Variants in KALRN observed in about 807,000 individuals in gnomAD.
KALRN encodes the protein kalirin.
A neutral mutation model predicts 353.7 loss-of-function variants in KALRN; 70 were observed. That is an observed-to-expected ratio of 0.20 (90% CI 0.16 to 0.24). The LOEUF (loss-of-function observed/expected upper bound fraction) is 0.24, where lower values mean the gene tolerates loss of function less well. KALRN is among the 10% of genes least tolerant of loss of function. The probability of loss-of-function intolerance (pLI) is 1.00; values close to 1 mark genes in which losing one functional copy is unlikely to be tolerated. For missense variants in KALRN, 2,791 were observed against 3,756.7 expected (o/e 0.74, Z 6.72); for synonymous variants, 1,391 against 1,434.8 (o/e 0.97, Z 0.69).
intron 49 of KALRN, among the ~76,000 whole-genome samples, chr3:124,676,936 C>T (rs2087259376): frequency 6.6e-6 from 1 of 152,196 alleles, no homozygotes; most frequent in African/African-American, 2.4e-5. Context: ...AGCCCACTTT[C>T]CCACAAGATT....
intron 56 of KALRN, among the ~76,000 whole-genome samples, 197 bp from the exon 57 acceptor site, chr3:124,701,841 A>G (rs2062356961): frequency 6.6e-6 from 1 of 152,116 alleles, no homozygotes. Context: ...AGAGAAGCTG[A>G]CTCTGTCATG....
chr3:124,213,187 T>A (rs770975225), intron 1 of KALRN, among the ~76,000 whole-genome samples: 1 of 152,132 alleles, frequency 6.6e-6, no homozygotes, highest in East Asian at 1.9e-4. Context: ...ATTTTAAAGG[T>A]TTGGGCTCTA....
chr3:124,459,206 T>G (rs2059619387), intron 23 of KALRN, among the ~76,000 whole-genome samples: 1 of 152,114 alleles, frequency 6.6e-6, no homozygotes, highest in Non-Finnish European at 1.5e-5. Context: ...TGGAAATTGG[T>G]CCAGTGAGTG....
At position 124,279,489 on chromosome 3, in the gene KALRN, C is replaced by T. The variant is rs115916233; in HGVS notation, c.969+10234C>T. On this transcript the variant is annotated intron_variant, in intron 5 of 59. Coordinates refer to ENST00000682506, the MANE Select transcript of KALRN (RefSeq NM_001388419.1). ...GAGGGGCATGCATGGGGAATACAGC[C>T]CCATCCACAACAAAGATGCCAGAGT... 7.1e-3 allele frequency among the ~76,000 whole-genome samples: 1,076 copies of T among 152,184 alleles called. 12 individuals carry two copies. The highest frequency in any genetic ancestry group is 0.023 in the African/African-American group (973 of 41,504).
chr3:124,387,946 C>G (rs1388965331), intron 11 of KALRN, among the ~76,000 whole-genome samples: 1 of 151,984 alleles, frequency 6.6e-6, no homozygotes, highest in Non-Finnish European at 1.5e-5. Flanking sequence ...TGTATGAGGT[C>G]CCCTTTAAGT....
intron 23 of KALRN, among the ~76,000 whole-genome samples, chr3:124,457,042 A>G (rs2059375464): frequency 1.3e-5 from 2 of 149,498 alleles, no homozygotes. Context: ...TTCTCCTCCA[A>G]ATTTTATTCT....
intron 1 of KALRN, among the ~76,000 whole-genome samples, chr3:124,121,093 C>CAAAAAAAAA (rs35883031): frequency 6.5e-4 from 49 of 74,916 alleles, no homozygotes; most frequent in Middle Eastern, 8.9e-3. Context: ...GACTCCATCT[C>CAAAAAAAAA]AAAAAAAAAA....
At chr3:124,285,509 TA>T (rs1167559016) in intron 5 of KALRN, among the ~76,000 whole-genome samples, 1 of 152,180 alleles carries the variant, frequency 6.6e-6, no homozygotes, top group African/African-American at 2.4e-5. Context: ...TTTATACAAA[TA>T]AAAAAATTAA....
rs185506777 is a variant in KALRN at position 124,271,901 on chromosome 3, A to G, written c.969+2646A>G. On this transcript the variant is annotated intron_variant, in intron 5 of 59. Transcript: ENST00000682506. ...CAAAAAATATACATAGGCTTGGAAA[A>G]CAATTACTTAAACACGGTTATTTGC... 2.2e-3 allele frequency among the ~76,000 whole-genome samples: 330 copies of G among 152,342 alleles called. 1 individual carries two copies. Among genetic ancestry groups the G allele is most frequent in the African/African-American group, 7.4e-3 (309 of 41,578 alleles).
intron 47 of KALRN, among the ~76,000 whole-genome samples, chr3:124,668,415 T>A (rs1013219468): frequency 4.6e-5 from 7 of 152,262 alleles, no homozygotes; most frequent in African/African-American, 1.7e-4. Flanking sequence ...CAGGTAGATC[T>A]ACTTTGCCCA....
In KALRN at chr3:124,723,745, G is replaced by C. The variant is rs1286092105; in HGVS notation, c.*4275G>C. 1 of 152,204 alleles carries C rather than the reference G, an allele frequency of 6.6e-6. No homozygotes were observed. The highest frequency in any genetic ancestry group is 1.5e-5 in the Non-Finnish European group (1 of 68,026). 9.4% of individuals were successfully genotyped at this position (152,204 alleles called of 1,614,324 possible). A position where few individuals can be genotyped will look rare whatever the true frequency, so the allele number is the denominator to read the frequency against. Reference sequence around the variant, plus strand: ...AGCTGATGAAGTCTTATGTCCATAAGTTGTTTTCTCCAGTATTTCTTATGG... The same window carrying C: ...AGCTGATGAAGTCTTATGTCCATAACTTGTTTTCTCCAGTATTTCTTATGG... On this transcript the variant is annotated 3_prime_UTR_variant, in exon 60 of 60. Coordinates refer to ENST00000682506, the MANE Select transcript of KALRN (RefSeq NM_001388419.1).
At chr3:124,678,639 C>T (rs767757172) in intron 50 of KALRN, 9 of 199,128 alleles carry the variant, frequency 4.5e-5, no homozygotes, top group Non-Finnish European at 9.4e-5. Flanking sequence ...TCAAAGCTGC[C>T]ATTTGGTACC....
intron 34 of KALRN, among the ~76,000 whole-genome samples, chr3:124,609,782 T>A (rs1315385480): frequency 6.6e-6 from 1 of 152,254 alleles, no homozygotes; most frequent in Non-Finnish European, 1.5e-5. Context: ...TATTGTCATA[T>A]AATAAGCTGT....
At chr3:124,330,239 C>CTG (rs1401739723) in intron 8 of KALRN, among the ~76,000 whole-genome samples, 1 of 112,042 alleles carries the variant, frequency 8.9e-6, no homozygotes, top group Non-Finnish European at 1.7e-5. Context: ...TTCTCTCTCT[C>CTG]TCTCTCTCAC....
At chr3:124,175,701 A>G (rs1022962958) in intron 1 of KALRN, among the ~76,000 whole-genome samples, 3 of 152,166 alleles carry the variant, frequency 2.0e-5, no homozygotes, top group South Asian at 2.1e-4. Context: ...CCCAGGGTCC[A>G]GGCCTGCTCT....
At chr3:124,704,934 C>T (rs1318387834) in intron 57 of KALRN, among the ~76,000 whole-genome samples, 2 of 152,326 alleles carry the variant, frequency 1.3e-5, no homozygotes, top group East Asian at 3.9e-4. Flanking sequence ...TGCTTCATCA[C>T]ACCTAAATCT....
chr3:124,123,093 CA>C (rs1208994013), intron 1 of KALRN, among the ~76,000 whole-genome samples: 14 of 151,424 alleles, frequency 9.2e-5, no homozygotes, highest in Admixed American at 6.6e-5. Flanking sequence ...CCCAGGTACT[CA>C]AGGGCTGAGG....
rs560326095 is a variant in KALRN, at chr3:124,142,231, G to C, written c.74-85759G>C. Among the ~76,000 whole-genome samples the C allele has an allele frequency of 3.3e-5, 5 of 152,314 alleles. No homozygotes were observed. In the East Asian group the frequency reaches 9.7e-4, roughly 30 times the overall value. ...TTAGAGAGCGGATGCCTGAGGTCCAGAGATGTGGAGCGACTTGCCACAGGC... is the reference window on the plus strand; with the variant it reads ...TTAGAGAGCGGATGCCTGAGGTCCACAGATGTGGAGCGACTTGCCACAGGC... On this transcript the variant is annotated intron_variant, in intron 1 of 59. Coordinates refer to ENST00000682506, the MANE Select transcript of KALRN (RefSeq NM_001388419.1).
intron 32 of KALRN, among the ~76,000 whole-genome samples, chr3:124,494,533 C>T (rs1202672443): frequency 2.6e-5 from 4 of 152,202 alleles, no homozygotes; most frequent in East Asian, 1.9e-4. Flanking sequence ...TTTTGAAATG[C>T]GTCACATAAA....
Sources: allele counts gnomAD v4.1 joint callset (sites outside exome capture counted in the v4.1 genomes callset), GRCh38; gene constraint gnomAD v4.1.1; transcripts MANE v1.5; gene names NCBI Gene and HGNC (gene_info 2026-07-23, HGNC 2026-07-21).